Variants in DNAH2 observed in about 807,000 individuals in gnomAD.
DNAH2 encodes the protein dynein axonemal heavy chain 2, also known as axonemal beta dynein heavy chain 2.
Under a neutral mutation model 523.5 loss-of-function variants are expected in DNAH2, and 323 were observed. The ratio of observed to expected loss-of-function variants is 0.62; its 90% CI spans 0.56 to 0.68. DNAH2 has a LOEUF of 0.68. Ranked by LOEUF, DNAH2 falls within the 30% of genes least tolerant of loss-of-function variation. The pLI, the probability that DNAH2 is intolerant of heterozygous loss-of-function variation, is 0.00. For synonymous variants in DNAH2, 2,093 were observed against 2,177.4 expected, an observed-to-expected ratio of 0.96 and a Z score of 1.08; for missense variants, 4,907 against 5,701.5, an observed-to-expected ratio of 0.86 and a Z score of 4.49.
chr17:7,766,421 C>A lies in DNAH2; in HGVS notation c.3615C>A (p.Ala1205=). ...GGGAAGAGGAAAATAGTCTCCGAGCCAACCTGGGCATCTTCAAGATCGAGC... is the reference window on the plus strand; with the variant it reads ...GGGAAGAGGAAAATAGTCTCCGAGCAAACCTGGGCATCTTCAAGATCGAGC... ...AMREEENSLR[A]NLGIFKIEQP... is the part of the protein sequence containing the mutation. Residue 1205 remains alanine, a synonymous_variant, in exon 22 of 86, where the codon GCC becomes GCA. Transcript: ENST00000572933. The A allele has an allele frequency of 6.2e-7, 1 of 1,614,020 alleles. No homozygotes were observed. The highest frequency in any genetic ancestry group is 8.5e-7 in the Non-Finnish European group (1 of 1,179,992).
At chr17:7,725,742 C>T (rs2074786525) in intron 3 of DNAH2, among the ~76,000 whole-genome samples, 1 of 139,288 alleles carries the variant, frequency 7.2e-6, no homozygotes, top group Admixed American at 7.9e-5. Context: ...AGCCACCACG[C>T]CTGGCCAATT....
chr17:7,797,945 C>A, intron 53 of DNAH2, 116 bp downstream of exon 53: 1 of 1,459,742 alleles, frequency 6.9e-7, no homozygotes, highest in Non-Finnish European at 9.2e-7. Context: ...TGCCTTTCTC[C>A]CTGGCCCCAG....
At chr17:7,764,074 A>G (rs773149299) in intron 19 of DNAH2, 43 bp downstream of exon 19, 6 of 1,614,194 alleles carry the variant, frequency 3.7e-6, no homozygotes, top group Non-Finnish European at 4.2e-6. Context: ...AGGGGCAGGC[A>G]CTGGGCCTTC....
chr17:7,789,356 G>A (rs2076833446), intron 44 of DNAH2, among the ~76,000 whole-genome samples: 1 of 152,168 alleles, frequency 6.6e-6, no homozygotes, highest in Admixed American at 6.5e-5. Flanking sequence ...AGGCCTGGCA[G>A]GGCGGGCCGA....
intron 3 of DNAH2, among the ~76,000 whole-genome samples, chr17:7,726,515 C>G (rs557593737): frequency 2.0e-5 from 3 of 152,124 alleles, no homozygotes; most frequent in South Asian, 4.1e-4. Flanking sequence ...GTTGGTCAGG[C>G]TGGTCTCGAA....
At chr17:7,805,123 G>T in intron 60 of DNAH2, 49 bp downstream of exon 60, 1 of 1,600,726 alleles carries the variant, frequency 6.2e-7, no homozygotes, top group Non-Finnish European at 8.6e-7. Context: ...GAGGCCCCGG[G>T]GAAGGGAATG....
rs1292751595 is a variant in DNAH2 at position 7,786,805 on chromosome 17, A to T, written c.6467-92A>T. 5.0e-6 allele frequency: 8 copies of T among 1,604,250 alleles called. No individual in the cohort carries two copies. The East Asian group carries it at 1.6e-4, about 31-fold the overall frequency. ...AAATGCCTGGGGAATGCTGAAGTAC[A>T]AGGGAGTGTAGGCTTGTGTCTCCGA... On this transcript the variant is annotated intron_variant, in intron 41 of 85. Coordinates refer to ENST00000572933, the MANE Select transcript of DNAH2 (RefSeq NM_020877.5). The surrounding 1 kb of genome is among the most constrained non-coding windows in gnomAD (Gnocchi z 7.5).
intron 29 of DNAH2, 118 bp from the exon 30 acceptor site, chr17:7,775,123 A>G (rs2076413636): frequency 8.0e-7 from 1 of 1,254,822 alleles, no homozygotes; most frequent in Admixed American, 2.3e-5. Context: ...ACTTCTTAGA[A>G]TTGGTAATAT....
At chr17:7,825,850 T>A (rs987860980) in intron 77 of DNAH2, among the ~76,000 whole-genome samples, 4 of 152,236 alleles carry the variant, frequency 2.6e-5, no homozygotes, top group African/African-American at 9.6e-5. Context: ...CACACTTTTT[T>A]GTCCCAACCC....
At position 7,763,861 on chromosome 17, in the gene DNAH2, G is replaced by A. The variant is rs1247723195; in HGVS notation, c.3009G>A (p.Lys1003=). Reference sequence around the variant, plus strand: ...CGGAAGTTGCTAATAACGTGCAGAAGGAGGAGACAGTCACCAACATCCAGT... The same window carrying A: ...CGGAAGTTGCTAATAACGTGCAGAAAGAGGAGACAGTCACCAACATCCAGT... ...RYTEVANNVQ[K]EETVTNIQFV... Residue 1003 remains lysine, a synonymous_variant, in exon 19 of 86, where the codon AAG becomes AAA. Transcript: ENST00000572933. 6.2e-7 allele frequency: 1 copy of A among 1,614,208 alleles called. No individual in the cohort carries two copies. The highest frequency in any genetic ancestry group is 8.5e-7 in the Non-Finnish European group (1 of 1,180,042).
In DNAH2 at chr17:7,733,217, G is replaced by A. The variant is rs375036619; in HGVS notation, c.530G>A (p.Gly177Glu). 4 of 1,614,070 alleles carry A rather than the reference G, an allele frequency of 2.5e-6. No homozygotes were observed. In the African/African-American group the frequency reaches 5.3e-5, roughly 22 times the overall value. ...CCGGCCCTGCTTCGGCTGCTCGGTG[G>A]AGTCTTTGCCCCTCAGATCTTTGCA... ...YIPALLRLLG[G>E]VFAPQIFANT... The change falls in exon 5 of 86, where the codon GGA becomes GAA. Residue 177 changes from glycine (G) to glutamate (E), a missense_variant. By Grantham distance (98) the Gly-to-Glu change is moderately conservative (BLOSUM62 -2). Coordinates refer to ENST00000572933, the MANE Select transcript of DNAH2 (RefSeq NM_020877.5).
At position 7,724,672 on chromosome 17, in the gene DNAH2, A is replaced by T. The variant is rs529519219; in HGVS notation, c.228+983A>T. 7.3e-5 allele frequency among the ~76,000 whole-genome samples: 11 copies of T among 151,600 alleles called. No homozygotes were observed. In the South Asian group the frequency reaches 2.3e-3, roughly 32 times the overall value. ...AAACAAAAAAACAATATTTTGATAT[A>T]TCTTTTACTTTTGTGCACAGGTTTG... On this transcript the variant is annotated intron_variant, in intron 3 of 85. Coordinates refer to ENST00000572933, the MANE Select transcript of DNAH2 (RefSeq NM_020877.5).
At chr17:7,802,436 G>C (rs1398126405) in intron 58 of DNAH2, among the ~76,000 whole-genome samples, 1 of 152,068 alleles carries the variant, frequency 6.6e-6, no homozygotes, top group Non-Finnish European at 1.5e-5. Flanking sequence ...TTGGTTCCAG[G>C]ACCTCCCACG....
At position 7,791,955 on chromosome 17, in the gene DNAH2, A is replaced by G; in HGVS notation, c.6939A>G (p.Val2313=). 6.2e-7 allele frequency: 1 copy of G among 1,613,382 alleles called. No individual in the cohort carries two copies. Among genetic ancestry groups the G allele is most frequent in the African/African-American group, 1.3e-5 (1 of 74,924 alleles). The part of the protein sequence containing the change: ...PADGENYVTM[V]EMTFVFSMIW... ...ACGGCGAGAACTATGTCACCATGGT[A>G]GAGATGACATTTGTGTTCAGCATGA... Residue 2313 remains valine (V), a synonymous_variant, in exon 45 of 86, where the codon GTA becomes GTG. Coordinates refer to ENST00000572933, the MANE Select transcript of DNAH2 (RefSeq NM_020877.5).
chr17:7,745,033 C>T (rs2004989), intron 12 of DNAH2, among the ~76,000 whole-genome samples: 98,506 of 151,188 alleles, frequency 0.65, 32,321 homozygotes, highest in East Asian at 0.9. Context: ...CTCACTCTGT[C>T]GCCCAGGTTG....
chr17:7,805,545 T>TATC (rs1437540051), intron 61 of DNAH2, 152 bp downstream of exon 61: 7 of 1,211,242 alleles, frequency 5.8e-6, no homozygotes, highest in Non-Finnish European at 6.8e-6. Flanking sequence ...ACCGCATGAA[T>TATC]ATCAGTTAAG....
chr17:7,724,303 G>T (rs971104204), intron 3 of DNAH2, among the ~76,000 whole-genome samples: 1 of 152,082 alleles, frequency 6.6e-6, no homozygotes. Flanking sequence ...TGGTGTTACT[G>T]CCCAAACACA....
At chr17:7,736,277 C>T (rs1361530130) in intron 7 of DNAH2, among the ~76,000 whole-genome samples, 1 of 152,172 alleles carries the variant, frequency 6.6e-6, no homozygotes, top group Admixed American at 6.5e-5. Context: ...GATAGAAGAC[C>T]TGTCTTCCTA....
At chr17:7,825,178 T>C (rs1313919573) in intron 77 of DNAH2, among the ~76,000 whole-genome samples, 1 of 152,206 alleles carries the variant, frequency 6.6e-6, no homozygotes, top group African/African-American at 2.4e-5. Context: ...CCTGCCTCTT[T>C]GCCTTTCCTT....
Sources: gnomAD v4.1 joint callset for allele counts (sites outside exome capture counted in the v4.1 genomes callset) on GRCh38, gnomAD v4.1.1 for gene constraint, Gnocchi (gnomAD v3.1) non-coding constraint, MANE v1.5 for transcripts, NCBI Gene and HGNC (gene_info 2026-07-23, HGNC 2026-07-21) for gene names.